The following SH2D4A variants were observed in gnomAD, a reference collection of about 807,000 sequenced individuals.
SH2D4A encodes SH2 domain containing 4A, also known as SH2 domain-containing protein 4A.
Under a neutral mutation model 64.7 loss-of-function variants are expected in SH2D4A, and 70 were observed. That is an observed-to-expected ratio of 1.08 (90% CI 0.89 to 1.32). The LOEUF (loss-of-function observed/expected upper bound fraction) is 1.32, where lower values mean the gene tolerates loss of function less well. Ranked by LOEUF, SH2D4A falls within the 40% of genes most tolerant of loss-of-function variation. The pLI, the probability that SH2D4A is intolerant of heterozygous loss-of-function variation, is 0.00. For synonymous variants in SH2D4A, 268 were observed against 200.7 expected (o/e 1.34, Z -2.83); for missense variants, 706 against 540.1 (o/e 1.31, Z -3.04).
At position 19,321,788 on chromosome 8, in the gene SH2D4A, G is replaced by A. The variant is rs531167495; in HGVS notation, c.181+2060G>A. On this transcript the variant is annotated intron_variant, in intron 2 of 9. Coordinates refer to ENST00000265807, the MANE Select transcript of SH2D4A (RefSeq NM_022071.4). ...ATATTAGTGTGATGGGGTGACCTTG[G>A]GGACTAGCAGCCAAAGGGTTCTTGC... Among the ~76,000 whole-genome samples, 15 of 152,242 alleles carry A rather than the reference G, an allele frequency of 9.9e-5. No homozygotes were observed. In the South Asian group the frequency reaches 3.1e-3, roughly 32 times the overall value.
intron 2 of SH2D4A, among the ~76,000 whole-genome samples, chr8:19,328,402 C>G (rs989294446): frequency 3.3e-5 from 5 of 152,096 alleles, no homozygotes; most frequent in African/African-American, 1.2e-4. Flanking sequence ...TTTCTTGTCA[C>G]TACTTCTGCC....
intron 6 of SH2D4A, 88 bp from the exon 7 acceptor site, chr8:19,363,984 G>C: frequency 1.6e-6 from 2 of 1,239,394 alleles, no homozygotes; most frequent in South Asian, 2.6e-5. Flanking sequence ...GAGAACCTGC[G>C]CTGCTGCCCG....
chr8:19,386,016 T>C lies in SH2D4A; in HGVS notation c.1049-7302T>C, dbSNP rs530759233. On this transcript the variant is annotated intron_variant, in intron 8 of 9. Transcript: ENST00000265807. ...CAGATGACACATATATCCTGCCTCA[T>C]TTACATGGATGACTCACACATTTTA... Among the ~76,000 whole-genome samples the C allele has an allele frequency of 2.0e-5, 3 of 152,306 alleles. No homozygotes were observed. The South Asian group carries it at 6.2e-4, about 32-fold the overall frequency.
At chr8:19,380,046 C>T (rs1419364727) in intron 8 of SH2D4A, among the ~76,000 whole-genome samples, 2 of 151,908 alleles carry the variant, frequency 1.3e-5, no homozygotes, top group East Asian at 1.9e-4. Flanking sequence ...TCCTTTTTTT[C>T]TCTCTCTCTT....
At position 19,361,333 on chromosome 8, in the gene SH2D4A, C is replaced by T. The variant is rs376768177; in HGVS notation, c.706+19C>T. The stretch of plus-strand genomic sequence containing the variant: ...GCATCTCGTGAGTACCCAGAGGTCT[C>T]CATAGCACCTTCCAGGCTCTCAGCT... On this transcript the variant is annotated intron_variant, in intron 6 of 9. Coordinates refer to ENST00000265807, the MANE Select transcript of SH2D4A (RefSeq NM_022071.4). 2.8e-5 allele frequency: 45 copies of T among 1,579,324 alleles called. No individual in the cohort carries two copies. The highest frequency in any genetic ancestry group is 3.2e-5 in the Non-Finnish European group (37 of 1,169,784).
intron 8 of SH2D4A, among the ~76,000 whole-genome samples, chr8:19,391,797 T>G (rs1020219232): frequency 2.0e-5 from 3 of 152,232 alleles, no homozygotes; most frequent in African/African-American, 7.2e-5. Flanking sequence ...GAGAGTTCAC[T>G]TCTCAATTAG....
intron 3 of SH2D4A, 39 bp from the exon 4 acceptor site, chr8:19,334,647 A>G (rs1203717169): frequency 1.3e-6 from 2 of 1,560,920 alleles, no homozygotes; most frequent in South Asian, 2.4e-5. Context: ...TTCCTGTTGA[A>G]GAATGTTTTT....
chr8:19,361,149 G>T lies in SH2D4A; in HGVS notation c.595-54G>T, dbSNP rs1011381746. 1.4e-5 allele frequency: 15 copies of T among 1,068,744 alleles called. No individual in the cohort carries two copies. In the African/African-American group the frequency reaches 2.6e-4, roughly 19 times the overall value. 66.2% of individuals were successfully genotyped at this position (1,068,744 alleles called of 1,614,324 possible). On this transcript the variant is annotated intron_variant, in intron 5 of 9. Transcript: ENST00000265807. ...GAAACTGCTGGATTTGCTCACCAAG[G>T]TTCTTTTTTTGTTTTGTTTTGTTTT...
intron 2 of SH2D4A, among the ~76,000 whole-genome samples, chr8:19,329,938 C>G (rs2052344202): frequency 6.6e-6 from 1 of 152,188 alleles, no homozygotes; most frequent in South Asian, 2.1e-4. Context: ...TGAAAATGGA[C>G]TAATACACTG....
At chr8:19,382,863 C>G (rs981128477) in intron 8 of SH2D4A, among the ~76,000 whole-genome samples, 3 of 106,512 alleles carry the variant, frequency 2.8e-5, no homozygotes, top group African/African-American at 1.1e-4. Flanking sequence ...CAGGGTCTCA[C>G]TCTGTCATCC....
At chr8:19,376,482 C>T (rs986147816) in intron 8 of SH2D4A, among the ~76,000 whole-genome samples, 1 of 152,062 alleles carries the variant, frequency 6.6e-6, no homozygotes, top group African/African-American at 2.4e-5. Context: ...ACTAGCTGGA[C>T]ATGGTGGTGC....
At chr8:19,347,803 C>T (rs1208867741) in intron 4 of SH2D4A, among the ~76,000 whole-genome samples, 1 of 152,130 alleles carries the variant, frequency 6.6e-6, no homozygotes, top group African/African-American at 2.4e-5. Context: ...ATTAAAAAGC[C>T]TTGAGCAAAA....
intron 8 of SH2D4A, among the ~76,000 whole-genome samples, chr8:19,391,750 A>G (rs935072734): frequency 2.6e-5 from 4 of 152,346 alleles, no homozygotes. Context: ...GTCTGTTTAC[A>G]GAAAAGAGAA....
At chr8:19,329,517 T>C (rs981227146) in intron 2 of SH2D4A, among the ~76,000 whole-genome samples, 1 of 152,152 alleles carries the variant, frequency 6.6e-6, no homozygotes, top group Non-Finnish European at 1.5e-5. Flanking sequence ...AGAATGTTAG[T>C]TTCCTGAGGA....
At chr8:19,393,563 A>T in intron 9 of SH2D4A, 22 bp downstream of exon 9, 2 of 1,610,428 alleles carry the variant, frequency 1.2e-6, no homozygotes, top group Non-Finnish European at 1.7e-6. Flanking sequence ...CATAAACTTA[A>T]TTTGCCTTCT....
chr8:19,378,726 CCATT>C (rs1382590889), intron 8 of SH2D4A, among the ~76,000 whole-genome samples: 1 of 151,844 alleles, frequency 6.6e-6, no homozygotes, highest in Non-Finnish European at 1.5e-5. Context: ...TTTAAGTGTA[CCATT>C]CAGTGTTAAA....
intron 4 of SH2D4A, 53 bp from the exon 5 acceptor site, chr8:19,357,150 T>C (rs1233266250): frequency 1.4e-6 from 2 of 1,382,170 alleles, no homozygotes; most frequent in South Asian, 2.3e-5. Context: ...GATTATCTTA[T>C]GAAACTGCAC....
At chr8:19,371,618 T>G (rs925285701) in intron 7 of SH2D4A, among the ~76,000 whole-genome samples, 2 of 152,200 alleles carry the variant, frequency 1.3e-5, no homozygotes, top group Non-Finnish European at 2.9e-5. Flanking sequence ...TTTTCCAGGT[T>G]TGGAAAGTTT....
At chr8:19,357,803 G>A (rs1351164642) in intron 5 of SH2D4A, among the ~76,000 whole-genome samples, 1 of 152,158 alleles carries the variant, frequency 6.6e-6, no homozygotes, top group South Asian at 2.1e-4. Flanking sequence ...GTGTGAGCTT[G>A]CTATCATGTC....
Sources: gnomAD v4.1 joint callset for allele counts (sites outside exome capture counted in the v4.1 genomes callset) on GRCh38, gnomAD v4.1.1 for gene constraint, MANE v1.5 for transcripts, NCBI Gene and HGNC (gene_info 2026-07-23, HGNC 2026-07-21) for gene names.